Variants in KIAA0753 observed in about 807,000 individuals in gnomAD.
The protein encoded by KIAA0753 is protein moonraker.
A neutral mutation model predicts 116.9 loss-of-function variants in KIAA0753; 114 were observed. The observed-to-expected ratio is 0.98, with a 90% CI of 0.84 to 1.14. The LOEUF (loss-of-function observed/expected upper bound fraction) is 1.14. Ranked by LOEUF, KIAA0753 falls within the 50% of genes most tolerant of loss-of-function variation. The pLI is 0.00. For synonymous variants in KIAA0753, 405 were observed against 413.1 expected, an observed-to-expected ratio of 0.98 and a Z score of 0.24; for missense variants, 1,156 against 1,172.4, an observed-to-expected ratio of 0.99 and a Z score of 0.20.
Position 6,620,926 on chromosome 17 carries a change from T to C in KIAA0753, c.1177A>G (p.Arg393Gly). The stretch of plus-strand genomic sequence containing the variant: ...GCCTTTTGGCTACCGATAGGAAATC[T>C]GCTCCGAATTTCACTGAAACATTTT... ...VKKCFSEIRSRFPIGSQKALE... is the reference protein window; with the variant it reads ...VKKCFSEIRSGFPIGSQKALE... The change falls in exon 7 of 19, where the codon AGA becomes GGA. Residue 393 changes from arginine (R) to glycine (G), a missense_variant. Arg to Gly is a moderately radical substitution (Grantham distance 125, BLOSUM62 -2). Transcript: ENST00000361413. The C allele has an allele frequency of 6.2e-7, 1 of 1,614,174 alleles. No individual in the cohort carries two copies. Among genetic ancestry groups the C allele is most frequent in the African/African-American group, 1.3e-5 (1 of 75,066 alleles).
At chr17:6,635,203 A>G (rs930418949) in intron 1 of KIAA0753, 32 bp from the exon 2 acceptor site, 1 of 837,690 alleles carries the variant, frequency 1.2e-6, no homozygotes, top group Non-Finnish European at 2.0e-6. Context: ...TCAGACCAAC[A>G]GCGTTGAACA....
intron 7 of KIAA0753, among the ~76,000 whole-genome samples, chr17:6,612,605 C>T (rs983257537): frequency 3.9e-5 from 6 of 152,178 alleles, no homozygotes; most frequent in East Asian, 1.9e-4. Flanking sequence ...CGGTGGCTCA[C>T]GCCTGAAATC....
intron 18 of KIAA0753, among the ~76,000 whole-genome samples, chr17:6,580,625 T>C (rs1968089961): frequency 1.3e-5 from 2 of 152,172 alleles, no homozygotes. Flanking sequence ...CAAGATACTT[T>C]TGAAGAAGAA....
chr17:6,601,263 G>A (rs556802434), intron 12 of KIAA0753, among the ~76,000 whole-genome samples: 2 of 152,254 alleles, frequency 1.3e-5, no homozygotes, highest in East Asian at 1.9e-4. Flanking sequence ...CTATACAGCC[G>A]CCTCTTTCCA....
intron 18 of KIAA0753, among the ~76,000 whole-genome samples, chr17:6,586,876 C>T (rs572449171): frequency 9.6e-4 from 146 of 152,294 alleles, no homozygotes; most frequent in Non-Finnish European, 1.6e-3. Flanking sequence ...TAGATGAAGT[C>T]AACTGTCTTT....
At chr17:6,623,848 T>C (rs1186283500) in intron 4 of KIAA0753, 4 of 306,992 alleles carry the variant, frequency 1.3e-5, no homozygotes, top group Non-Finnish European at 2.4e-5. Context: ...ACTCTGGAAA[T>C]GTAGGCGGGC....
chr17:6,596,148 C>A lies in KIAA0753; in HGVS notation c.2358+10G>T, dbSNP rs1409575854. The A allele has an allele frequency of 6.2e-7, 1 of 1,611,442 alleles. No individual in the cohort carries two copies. The highest frequency in any genetic ancestry group is 2.2e-5 in the East Asian group (1 of 44,832). The stretch of plus-strand genomic sequence containing the variant: ...TAGCAGCGAACCAGACCCGGAGCCC[C>A]AGACCTTACTTCCATCTCTTCCATT... On this transcript the variant is annotated intron_variant, in intron 15 of 18. Coordinates refer to ENST00000361413, the MANE Select transcript of KIAA0753 (RefSeq NM_014804.3).
chr17:6,603,318 G>C (rs753087431), intron 12 of KIAA0753, among the ~76,000 whole-genome samples: 1 of 152,026 alleles, frequency 6.6e-6, no homozygotes, highest in Non-Finnish European at 1.5e-5. Flanking sequence ...AGAATTAAAG[G>C]AAATAAATTG....
intron 7 of KIAA0753, among the ~76,000 whole-genome samples, chr17:6,620,110 T>C (rs540941136): frequency 2.6e-4 from 39 of 152,176 alleles, no homozygotes; most frequent in African/African-American, 9.2e-4. Context: ...ACAGGCAAAT[T>C]ACAGAAGAGG....
Position 6,640,642 on chromosome 17 carries a change from C to T in KIAA0753, c.-74G>A, listed in dbSNP as rs1972619327. On this transcript the variant is annotated 5_prime_UTR_variant, in exon 1 of 19. Coordinates refer to ENST00000361413, the MANE Select transcript of KIAA0753 (RefSeq NM_014804.3). ...CAGCCCCGGCCCGAGCCCACCTGGCCTAGGGTGAGGCGCGGCTACTGGGAG... is the reference window on the plus strand; with the variant it reads ...CAGCCCCGGCCCGAGCCCACCTGGCTTAGGGTGAGGCGCGGCTACTGGGAG... The T allele has an allele frequency of 1.9e-5, 3 of 158,276 alleles. No individual in the cohort carries two copies. The South Asian group carries it at 5.0e-4, about 26-fold the overall frequency. 9.8% of individuals were successfully genotyped at this position (158,276 alleles called of 1,614,324 possible).
chr17:6,586,070 T>TTC (rs775706140), intron 18 of KIAA0753, among the ~76,000 whole-genome samples: 5 of 152,130 alleles, frequency 3.3e-5, no homozygotes, highest in Non-Finnish European at 5.9e-5. Context: ...GCTGTCTTTC[T>TTC]TCATGATAGT....
At chr17:6,624,929 A>C in intron 3 of KIAA0753, 68 bp from the exon 4 acceptor site, 1 of 957,206 alleles carries the variant, frequency 1.0e-6, no homozygotes, top group Admixed American at 2.2e-5. Flanking sequence ...CAAAGACTTC[A>C]ATTACTTACA....
At chr17:6,634,520 G>A (rs1762141446) in intron 2 of KIAA0753, among the ~76,000 whole-genome samples, 1 of 152,214 alleles carries the variant, frequency 6.6e-6, no homozygotes, top group Non-Finnish European at 1.5e-5. Context: ...TGGATCTCTA[G>A]AGGGATGACT....
intron 7 of KIAA0753, 49 bp from the exon 8 acceptor site, chr17:6,612,197 C>G (rs933752508): frequency 7.3e-7 from 1 of 1,370,016 alleles, no homozygotes; most frequent in Non-Finnish European, 1.0e-6. Flanking sequence ...CTATTCAAAT[C>G]AAATTGCTGA....
At position 6,622,961 on chromosome 17, in the gene KIAA0753, T is replaced by A. The variant is rs1423801936; in HGVS notation, c.1025A>T (p.Gln342Leu). The change falls in exon 6 of 19, where the codon CAG (glutamine) becomes CTG (leucine). Residue 342 changes from glutamine (Q) to leucine (L), a missense_variant. Physicochemically the swap from Gln to Leu is moderately radical, Grantham distance 113 (BLOSUM62 -2). Transcript: ENST00000361413. ...RCKELGSLIRQLSLCSVKLDA... is the reference protein window; with the variant it reads ...RCKELGSLIRLLSLCSVKLDA... ...CAGCTTGACAGAACAAAGTGAAAGC[T>A]GGCGAATAAGGCTGCCCAGTTCCTT... 1.2e-6 allele frequency: 2 copies of A among 1,614,070 alleles called. No homozygotes were observed. Among genetic ancestry groups the A allele is most frequent in the Admixed American group, 3.3e-5 (2 of 60,006 alleles).
rs967423860 is a variant in KIAA0753, at chr17:6,592,873, C to A, written c.2440+2099G>T. Among the ~76,000 whole-genome samples the A allele has an allele frequency of 4.0e-5, 6 of 151,872 alleles. No individual in the cohort carries two copies. In the South Asian group the frequency reaches 1.2e-3, roughly 31 times the overall value. ...ACATTTTTGGAAATAAGCAGCTGAG[C>A]CCATTTTTTTTCCATGGGAAAAAAA... On this transcript the variant is annotated intron_variant, in intron 16 of 18. Transcript: ENST00000361413.
intron 1 of KIAA0753, chr17:6,637,557 G>C (rs1972412032): frequency 6.5e-6 from 1 of 152,984 alleles, no homozygotes; most frequent in South Asian, 2.1e-4. Flanking sequence ...ACAGGCCAGA[G>C]ACATGCTCAA....
Position 6,579,724 on chromosome 17 carries a change from A to C in KIAA0753, c.*23T>G. 1 of 1,536,826 alleles carries C rather than the reference A, an allele frequency of 6.5e-7. No individual in the cohort carries two copies. Among genetic ancestry groups the C allele is most frequent in the East Asian group, 2.2e-5 (1 of 44,468 alleles). ...GCCATCCCTTCTCCAGTGTGACACA[A>C]ATGGCCTCGCCTCAGAGAGCCTTTA... On this transcript the variant is annotated 3_prime_UTR_variant, in exon 19 of 19. Coordinates refer to ENST00000361413, the MANE Select transcript of KIAA0753 (RefSeq NM_014804.3).
At chr17:6,608,569 T>C in intron 9 of KIAA0753, 105 bp from the exon 10 acceptor site, 1 of 532,962 alleles carries the variant, frequency 1.9e-6, no homozygotes, top group Non-Finnish European at 3.2e-6. Flanking sequence ...AAATTAATGG[T>C]GATCTGTAGC....
Sources: gnomAD v4.1 joint callset for allele counts (sites outside exome capture counted in the v4.1 genomes callset) on GRCh38, gnomAD v4.1.1 for gene constraint, MANE v1.5 for transcripts, NCBI Gene and HGNC (gene_info 2026-07-23, HGNC 2026-07-21) for gene names.